The following DIXDC1 variants were observed in gnomAD, a reference collection of about 807,000 sequenced individuals.
The protein encoded by DIXDC1 is DIX domain containing 1.
In DIXDC1, 64 loss-of-function variants were observed where a neutral mutation model predicts 103.1. The observed-to-expected ratio is 0.62, with a 90% CI of 0.51 to 0.76. The LOEUF is 0.76. Ranked by LOEUF, DIXDC1 falls within the 30% of genes least tolerant of loss-of-function variation. The pLI, the probability that DIXDC1 is intolerant of heterozygous loss-of-function variation, is 0.00. For synonymous variants in DIXDC1, 266 were observed against 298.5 expected, an observed-to-expected ratio of 0.89 and a Z score of 1.12; for missense variants, 759 against 834.2, an observed-to-expected ratio of 0.91 and a Z score of 1.11.
At chr11:111,989,331 A>G (rs1860611799) in intron 10 of DIXDC1, among the ~76,000 whole-genome samples, 1 of 152,104 alleles carries the variant, frequency 6.6e-6, no homozygotes, top group Non-Finnish European at 1.5e-5. Flanking sequence ...AGTGTGAAAG[A>G]ATGTCCTCTA....
intron 5 of DIXDC1, among the ~76,000 whole-genome samples, chr11:111,980,403 G>A (rs1014895654): frequency 3.9e-5 from 6 of 152,304 alleles, no homozygotes; most frequent in Admixed American, 3.3e-4. Flanking sequence ...AGGAGGTGGT[G>A]GGAGGTAAAA....
At chr11:111,932,212 A>C (rs1407531830) in intron 2 of DIXDC1, among the ~76,000 whole-genome samples, 1 of 148,680 alleles carries the variant, frequency 6.7e-6, no homozygotes, top group African/African-American at 2.5e-5. Flanking sequence ...TTTATTTTTT[A>C]TTTTGGTAGA....
chr11:111,993,725 A>T lies in DIXDC1; in HGVS notation c.1422A>T (p.Lys474Asn). 6.2e-7 allele frequency: 1 copy of T among 1,614,010 alleles called. No individual in the cohort carries two copies. Among genetic ancestry groups the T allele is most frequent in the Non-Finnish European group, 8.5e-7 (1 of 1,179,884 alleles). The change falls in exon 14 of 20, where the codon AAA (lysine) becomes AAT (asparagine). Residue 474 changes from lysine (K) to asparagine (N), a missense_variant. Lys to Asn is a moderately conservative substitution (Grantham distance 94, BLOSUM62 0). Around this residue, in one of 3 missense-constraint regions of DIXDC1, gnomAD observed 657 missense variants for 727.5 expected, o/e 0.90. Coordinates refer to ENST00000440460, the MANE Select transcript of DIXDC1 (RefSeq NM_001037954.4). ...ATGTCCTCTTGGCTCACTGTATGAA[A>T]AGAGAGGCAGATGAGGTAACCTAGA... ...HKDVLLAHCMKREADEATNYN... is the reference protein window; with the variant it reads ...HKDVLLAHCMNREADEATNYN...
chr11:112,003,325 A>G (rs982557572), intron 17 of DIXDC1, among the ~76,000 whole-genome samples: 1 of 151,992 alleles, frequency 6.6e-6, no homozygotes, highest in Non-Finnish European at 1.5e-5. Flanking sequence ...GCGGGTGGCA[A>G]GTACCTGTAA....
At position 111,993,016 on chromosome 11, in the gene DIXDC1, T is replaced by C; in HGVS notation, c.1272+12T>C. ...TGGGAGAATATAAAGTAAGAATGAA[T>C]ATCAGTTTGGAAATGACTTCCACTG... On this transcript the variant is annotated intron_variant, in intron 12 of 19. Coordinates refer to ENST00000440460, the MANE Select transcript of DIXDC1 (RefSeq NM_001037954.4). The C allele has an allele frequency of 1.3e-6, 2 of 1,594,208 alleles. No homozygotes were observed. The highest frequency in any genetic ancestry group is 1.7e-6 in the Non-Finnish European group (2 of 1,169,946).
intron 1 of DIXDC1, among the ~76,000 whole-genome samples, chr11:111,964,109 G>A (rs1450827541): frequency 2.0e-5 from 3 of 152,194 alleles, no homozygotes; most frequent in Non-Finnish European, 4.4e-5. Context: ...AGAGCAATTC[G>A]TATGAGTATC....
chr11:111,971,950 T>C (rs1592580563), intron 3 of DIXDC1, among the ~76,000 whole-genome samples: 2 of 152,012 alleles, frequency 1.3e-5, no homozygotes, highest in East Asian at 1.9e-4. Flanking sequence ...ATGGGAACAA[T>C]AGAAACTGGG....
chr11:111,993,383 G>T, intron 12 of DIXDC1, 113 bp from the exon 13 acceptor site: 1 of 1,065,226 alleles, frequency 9.4e-7, no homozygotes, highest in Non-Finnish European at 1.4e-6. Flanking sequence ...TTTGAGGAAA[G>T]GACTTTTTTT....
intron 17 of DIXDC1, among the ~76,000 whole-genome samples, chr11:112,008,131 C>CAAA (rs782037838): frequency 5.7e-5 from 3 of 52,270 alleles, no homozygotes; most frequent in African/African-American, 5.2e-5. Flanking sequence ...AAATGCAAAG[C>CAAA]AAAAAAAAAA....
intron 1 of DIXDC1, among the ~76,000 whole-genome samples, chr11:111,953,273 C>T (rs919095776): frequency 1.3e-4 from 20 of 152,104 alleles, no homozygotes; most frequent in African/African-American, 4.8e-4. Context: ...GTGGGAGTGA[C>T]ACTTTTTATG....
At chr11:112,007,001 ACTT>A (rs1439883102) in intron 17 of DIXDC1, among the ~76,000 whole-genome samples, 1 of 152,140 alleles carries the variant, frequency 6.6e-6, no homozygotes, top group Non-Finnish European at 1.5e-5. Flanking sequence ...TCGGTAATAA[ACTT>A]CTCCGAGCTA....
At chr11:111,934,758 T>A (rs587602208), upstream of DIXDC1, among the ~76,000 whole-genome samples, 187 of 151,642 alleles carry the variant, frequency 1.2e-3, no homozygotes, top group African/African-American at 4.3e-3. Context: ...AAAAAAAAAA[T>A]GGACATTATA....
chr11:111,977,349 C>T lies in DIXDC1; in HGVS notation c.656+2366C>T, dbSNP rs111579151. The T allele has an allele frequency of 0.038, 40,721 of 1,066,758 alleles. 875 individuals are homozygous for T. The highest frequency in any genetic ancestry group is 0.043 in the Non-Finnish European group (38,029 of 881,122). 66.1% of individuals were successfully genotyped at this position (1,066,758 alleles called of 1,614,324 possible). On this transcript the variant is annotated intron_variant, in intron 5 of 19. Transcript: ENST00000440460. The surrounding 1 kb of genome is among the most constrained non-coding windows in gnomAD (Gnocchi z 6.1). Reference sequence around the variant, plus strand: ...CGGAGTGGGATCGCCGCTGGGGACTCGAGGCGCAGCCTGCGCCGCCGGGAG... The same window carrying T: ...CGGAGTGGGATCGCCGCTGGGGACTTGAGGCGCAGCCTGCGCCGCCGGGAG...
At position 112,019,568 on chromosome 11, in the gene DIXDC1, A is replaced by G. The variant is rs1400590249; in HGVS notation, c.*532A>G. ...AAAGATGAAAGCCCAGACTTCAGTA[A>G]TCTTTTGAACCAGACGTGGATGGTG... On this transcript the variant is annotated 3_prime_UTR_variant, in exon 20 of 20. Transcript: ENST00000440460. The G allele has an allele frequency of 6.5e-6, 1 of 153,052 alleles. No homozygotes were observed. The highest frequency in any genetic ancestry group is 1.5e-5 in the Non-Finnish European group (1 of 68,336). 9.5% of individuals were successfully genotyped at this position (153,052 alleles called of 1,614,324 possible). A position where few individuals can be genotyped will look rare whatever the true frequency, so the allele number is the denominator to read the frequency against.
intron 5 of DIXDC1, among the ~76,000 whole-genome samples, chr11:111,978,776 A>T (rs782665730): frequency 1.2e-4 from 19 of 152,236 alleles, no homozygotes; most frequent in Non-Finnish European, 2.6e-4. Context: ...TTGTCAGATG[A>T]GAAAGTGTTT....
At chr11:111,973,857 T>C (rs1475507538) in intron 3 of DIXDC1, among the ~76,000 whole-genome samples, 166 bp from the exon 4 acceptor site, 1 of 152,370 alleles carries the variant, frequency 6.6e-6, no homozygotes, top group East Asian at 1.9e-4. Flanking sequence ...ATTGCTGTTA[T>C]ATATTCGGTC....
chr11:111,959,063 C>T (rs1286056486), intron 1 of DIXDC1, among the ~76,000 whole-genome samples: 5 of 152,252 alleles, frequency 3.3e-5, no homozygotes, highest in African/African-American at 1.2e-4. Context: ...CTCAATAAAG[C>T]TCCTCTTCAC....
At chr11:111,973,971 C>T in intron 3 of DIXDC1, 52 bp from the exon 4 acceptor site, 1 of 1,565,876 alleles carries the variant, frequency 6.4e-7, no homozygotes, top group Non-Finnish European at 8.7e-7. Context: ...GCTTTTGCCT[C>T]CCTCTTAGGA....
chr11:111,934,433 T>G (rs2137427516), upstream of DIXDC1, among the ~76,000 whole-genome samples: 1 of 152,324 alleles, frequency 6.6e-6, no homozygotes, highest in African/African-American at 2.4e-5. Context: ...GTTTGCTGGG[T>G]TTCTTTGCCT....
Sources: allele counts gnomAD v4.1 joint callset (sites outside exome capture counted in the v4.1 genomes callset), GRCh38; gene constraint gnomAD v4.1.1; regional missense constraint gnomAD v4.1.1; non-coding constraint Gnocchi (gnomAD v3.1); transcripts MANE v1.5; gene names NCBI Gene and HGNC (gene_info 2026-07-23, HGNC 2026-07-21).